Variants in PPP1R42 observed in about 807,000 individuals in gnomAD.
PPP1R42 encodes the protein protein phosphatase 1 regulatory subunit 42.
In PPP1R42, 34 loss-of-function variants were observed where a neutral mutation model predicts 31.0. The observed-to-expected ratio is 1.10, with a 90% CI of 0.83 to 1.46. The LOEUF (loss-of-function observed/expected upper bound fraction) is 1.46. Among genes scored for constraint, PPP1R42 ranks in the 40% most tolerant of loss-of-function variants. PPP1R42 has a pLI of 0.00. For missense variants in PPP1R42, 268 were observed against 303.0 expected (o/e 0.88, Z 0.86); for synonymous variants, 103 against 109.8 (o/e 0.94, Z 0.39).
intron 7 of PPP1R42, among the ~76,000 whole-genome samples, chr8:66,972,192 A>C (rs926819636): frequency 6.6e-6 from 1 of 152,220 alleles, no homozygotes; most frequent in African/African-American, 2.4e-5. Context: ...ACGTGTATAC[A>C]GGGATGTCAC....
intron 1 of PPP1R42, among the ~76,000 whole-genome samples, chr8:67,020,212 TTTTTTTTGATATGAAG>T (rs1331062425): frequency 6.6e-6 from 1 of 151,914 alleles, no homozygotes; most frequent in African/African-American, 2.4e-5. Context: ...GTTGTTGTTG[TTTTTTTTGATATGAAG>T]TCTTGCTCTT....
At chr8:66,971,003 T>A (rs750704242) in intron 7 of PPP1R42, 44 of 1,524,374 alleles carry the variant, frequency 2.9e-5, no homozygotes, top group Middle Eastern at 3.4e-4. Context: ...ATAATTTTAG[T>A]GTAATCTTCT....
intron 7 of PPP1R42, among the ~76,000 whole-genome samples, chr8:66,967,397 A>G (rs1280515835): frequency 6.6e-6 from 1 of 152,196 alleles, no homozygotes; most frequent in Non-Finnish European, 1.5e-5. Flanking sequence ...TACATTACTG[A>G]TACACATAAG....
chr8:66,976,279 C>A (rs923833904), intron 7 of PPP1R42, among the ~76,000 whole-genome samples: 2 of 152,132 alleles, frequency 1.3e-5, no homozygotes, highest in South Asian at 2.1e-4. Context: ...GCTGACTCTG[C>A]GTTATGGTGA....
chr8:67,026,486 T>C (rs1816400969), intron 1 of PPP1R42, among the ~76,000 whole-genome samples: 1 of 152,204 alleles, frequency 6.6e-6, no homozygotes, highest in African/African-American at 2.4e-5. Context: ...GTAAGAATGA[T>C]ACTTTCTAGT....
chr8:67,006,117 A>G (rs539602679), intron 5 of PPP1R42, among the ~76,000 whole-genome samples: 1 of 152,282 alleles, frequency 6.6e-6, no homozygotes, highest in South Asian at 2.1e-4. Flanking sequence ...TGGACACTCA[A>G]GCTTTCTTTG....
At chr8:66,982,357 A>AT (rs902895440) in intron 6 of PPP1R42, among the ~76,000 whole-genome samples, 177 bp from the exon 7 acceptor site, 3 of 152,188 alleles carry the variant, frequency 2.0e-5, no homozygotes, top group South Asian at 2.1e-4. Flanking sequence ...TTATTTATAG[A>AT]TTTTTTTCTG....
intron 5 of PPP1R42, among the ~76,000 whole-genome samples, chr8:67,006,454 C>T (rs997894785): frequency 2.0e-5 from 3 of 152,224 alleles, no homozygotes; most frequent in Non-Finnish European, 4.4e-5. Flanking sequence ...GCGATCCTCC[C>T]ACCCCAGCCT....
intron 7 of PPP1R42, among the ~76,000 whole-genome samples, chr8:66,970,570 A>T (rs971853275): frequency 1.3e-4 from 20 of 152,234 alleles, no homozygotes; most frequent in Non-Finnish European, 2.5e-4. Flanking sequence ...AAGTAGTCTA[A>T]TTCTGTAGGC....
In PPP1R42 at chr8:66,982,083, G is replaced by T; in HGVS notation, c.768C>A (p.Ser256Arg). The T allele has an allele frequency of 1.3e-6, 2 of 1,491,480 alleles. No homozygotes were observed. Among genetic ancestry groups the T allele is most frequent in the Non-Finnish European group, 1.8e-6 (2 of 1,130,686 alleles). The allele number at this position is 1,491,480 out of a possible 1,614,324, so 92.4% of individuals were successfully genotyped here. A position where few individuals can be genotyped will look rare whatever the true frequency, so the allele number is the denominator to read the frequency against. The stretch of plus-strand genomic sequence containing the variant: ...AATTGCTTGCATCCTCATTTTTACT[G>T]CTCCTTTTTTTGCTGATTTTCTTGG... ...KDAKKISKKR[S>R]SKNEDASNSL... The change falls in exon 7 of 8, where the codon AGC becomes AGA. Residue 256 changes from serine (S) to arginine (R), a missense_variant. Coordinates refer to ENST00000685739, the MANE Select transcript of PPP1R42 (RefSeq NM_001364910.1).
chr8:66,978,432 A>G (rs930660203), intron 7 of PPP1R42, among the ~76,000 whole-genome samples: 5 of 152,074 alleles, frequency 3.3e-5, no homozygotes, highest in African/African-American at 7.2e-5. Flanking sequence ...TATCACCAGC[A>G]TTTGGTTTTT....
chr8:66,965,756 A>G (rs565259200), intron 7 of PPP1R42, among the ~76,000 whole-genome samples: 1 of 152,212 alleles, frequency 6.6e-6, no homozygotes, highest in South Asian at 2.1e-4. Flanking sequence ...CCCGGTCTGT[A>G]CAAAAAAATT....
intron 5 of PPP1R42, among the ~76,000 whole-genome samples, chr8:66,995,936 G>A (rs1815321118): frequency 6.6e-6 from 1 of 152,118 alleles, no homozygotes; most frequent in Non-Finnish European, 1.5e-5. Context: ...TTTCTACTAT[G>A]AAAGATGATG....
rs192566994 is a variant in PPP1R42 at position 66,965,074 on chromosome 8, A to G, written c.803-740T>C. 3.3e-5 allele frequency among the ~76,000 whole-genome samples: 5 copies of G among 152,160 alleles called. No individual in the cohort carries two copies. The East Asian group carries it at 9.6e-4, about 29-fold the overall frequency. On this transcript the variant is annotated intron_variant, in intron 7 of 7. Coordinates refer to ENST00000685739, the MANE Select transcript of PPP1R42 (RefSeq NM_001364910.1). ...TTGAGTCTGGTTTCTTTCACTTAGC[A>G]TAATGCTTTTGAGATCCATGTTGTT... is the stretch of plus-strand genomic sequence containing the variant.
chr8:66,986,215 C>T (rs1010836723), intron 6 of PPP1R42: 14 of 561,350 alleles, frequency 2.5e-5, no homozygotes, highest in Non-Finnish European at 4.7e-5. Flanking sequence ...GCTGGGATTA[C>T]AGGCGTGAGC....
At chr8:67,021,608 A>G (rs1474560184) in intron 1 of PPP1R42, among the ~76,000 whole-genome samples, 4 of 152,150 alleles carry the variant, frequency 2.6e-5, no homozygotes, top group Non-Finnish European at 5.9e-5. Flanking sequence ...ACACCTATGG[A>G]CCCACAGGTC....
At chr8:66,991,890 G>T (rs1815198657) in intron 5 of PPP1R42, among the ~76,000 whole-genome samples, 1 of 152,122 alleles carries the variant, frequency 6.6e-6, no homozygotes, top group Non-Finnish European at 1.5e-5. Context: ...GAGTTGTTAG[G>T]TCTGAGACAG....
At chr8:66,984,217 A>G in intron 6 of PPP1R42, 9 of 1,533,428 alleles carry the variant, frequency 5.9e-6, no homozygotes, top group Non-Finnish European at 8.1e-6. Flanking sequence ...CTCATGAGCT[A>G]TGTTCTCTAT....
chr8:67,026,822 A>T (rs1319609102), intron 1 of PPP1R42: 1 of 152,060 alleles, frequency 6.6e-6, no homozygotes, highest in East Asian at 1.9e-4. Flanking sequence ...ACAGAGCATG[A>T]ACCTGTCTCA....
Sources: allele counts gnomAD v4.1 joint callset (sites outside exome capture counted in the v4.1 genomes callset), GRCh38; gene constraint gnomAD v4.1.1; transcripts MANE v1.5; gene names NCBI Gene and HGNC (gene_info 2026-07-23, HGNC 2026-07-21).